The following PRR14L variants were observed in gnomAD, a reference collection of about 807,000 sequenced individuals.
The protein encoded by PRR14L is proline rich 14 like.
Under a neutral mutation model 155.0 loss-of-function variants are expected in PRR14L, and 80 were observed. That is an observed-to-expected ratio of 0.52 (90% CI 0.43 to 0.62). The LOEUF (loss-of-function observed/expected upper bound fraction) is 0.62. PRR14L is among the 20% of genes least tolerant of loss of function. PRR14L has a pLI of 0.00. For synonymous variants in PRR14L, 883 were observed against 916.0 expected (o/e 0.96, Z 0.65); for missense variants, 2,469 against 2,548.0 (o/e 0.97, Z 0.67).
chr22:31,700,290 G>C (rs1385066723), intron 7 of PRR14L, among the ~76,000 whole-genome samples: 1 of 152,180 alleles, frequency 6.6e-6, no homozygotes. Context: ...AAATGCAAGA[G>C]AGAATAGAAC....
intron 3 of PRR14L, among the ~76,000 whole-genome samples, chr22:31,719,739 CT>C (rs131229): frequency 0.11 from 15,426 of 143,236 alleles, 945 homozygotes; most frequent in African/African-American, 0.18. Context: ...CTCTGTGACA[CT>C]TTTTTTTTTT....
chr22:31,732,921 T>G (rs2074757847), intron 2 of PRR14L, among the ~76,000 whole-genome samples: 1 of 152,160 alleles, frequency 6.6e-6, no homozygotes, highest in African/African-American at 2.4e-5. Flanking sequence ...TCCAATATTT[T>G]GCAATTAAAA....
At chr22:31,709,982 C>T (rs1375699172) in intron 4 of PRR14L, among the ~76,000 whole-genome samples, 5 of 151,722 alleles carry the variant, frequency 3.3e-5, no homozygotes, top group African/African-American at 1.2e-4. Context: ...GCTCTGTTGC[C>T]TAGGCTAGAG....
At chr22:31,718,525 A>G (rs1194024822) in intron 3 of PRR14L, among the ~76,000 whole-genome samples, 2 of 147,300 alleles carry the variant, frequency 1.4e-5, no homozygotes, top group Admixed American at 6.7e-5. Flanking sequence ...AAGTGCTGGG[A>G]TTACAGGCGT....
Position 31,683,054 on chromosome 22 carries a change from G to C in PRR14L, c.*2473C>G, listed in dbSNP as rs1324655924. 6.6e-6 allele frequency: 1 copy of C among 152,308 alleles called. No individual in the cohort carries two copies. Among genetic ancestry groups the C allele is most frequent in the Non-Finnish European group, 1.5e-5 (1 of 68,120 alleles). The allele number at this position is 152,308 out of a possible 1,614,324, so 9.4% of individuals were successfully genotyped here. ...TGGAGCAGGGGAAGGGACCTAGCTA[G>C]AGGGTAGGTCCAGAATTTCAACGAC... is the stretch of plus-strand genomic sequence containing the variant. On this transcript the variant is annotated 3_prime_UTR_variant, in exon 9 of 9. Coordinates refer to ENST00000327423, the MANE Select transcript of PRR14L (RefSeq NM_173566.3).
Position 31,713,809 on chromosome 22 carries a change from C to T in PRR14L, c.4030G>A (p.Gly1344Arg), listed in dbSNP as rs1273245292. ...CCAACAGTTAAGTAACCCAGTCGTC[C>T]CCTCTGATGCTCTTCGGTTTCTTCT... The part of the protein sequence containing the change: ...KGEETEEHQR[G>R]RLGYLTVGEQ... The change falls in exon 4 of 9, where the codon GGA becomes AGA. Residue 1344 changes from glycine to arginine, a missense_variant. Around this residue, in one of 2 missense-constraint regions of PRR14L, gnomAD observed 2,363 missense variants for 2,371.6 expected, o/e 1.00. Coordinates refer to ENST00000327423, the MANE Select transcript of PRR14L (RefSeq NM_173566.3). The T allele has an allele frequency of 1.3e-6, 2 of 1,552,260 alleles. No individual in the cohort carries two copies. The highest frequency in any genetic ancestry group is 2.4e-5 in the East Asian group (1 of 40,922).
chr22:31,693,013 A>C (rs142321094), intron 7 of PRR14L, among the ~76,000 whole-genome samples: 1 of 152,134 alleles, frequency 6.6e-6, no homozygotes, highest in East Asian at 1.9e-4. Flanking sequence ...GAAAGTAGAG[A>C]GTTCCCATAT....
Position 31,715,545 on chromosome 22 carries a change from G to A in PRR14L, c.2294C>T (p.Ala765Val), listed in dbSNP as rs1299547031. Residue 765 changes from alanine (A) to valine (V), a missense_variant, in exon 4 of 9, where the codon GCA (alanine) becomes GTA (valine). Around this residue, in one of 2 missense-constraint regions of PRR14L, gnomAD observed 2,363 missense variants for 2,371.6 expected, o/e 1.00. Coordinates refer to ENST00000327423, the MANE Select transcript of PRR14L (RefSeq NM_173566.3). ...HSRLRSNKRE[A>V]AGFPQVVSVI... is the part of the protein sequence containing the mutation. ...AGAGACCACTTGAGGAAAGCCAGCT[G>A]CTTCTCTCTTATTTGAGCGCAGCCT... 1.9e-5 allele frequency: 29 copies of A among 1,551,980 alleles called. No homozygotes were observed. The East Asian group carries it at 7.1e-4, about 38-fold the overall frequency.
chr22:31,717,060 G>C lies in PRR14L; in HGVS notation c.779C>G (p.Pro260Arg), dbSNP rs999034947. ...TTTAGGAGTTGCTTCTGTTAATACA[G>C]GGTCCACAAAGGTTAAAGGTTCTGG... is the stretch of plus-strand genomic sequence containing the variant. ...VTPEPLTFVD[P>R]VLTEATPKEK... The change falls in exon 4 of 9, where the codon CCT becomes CGT. Residue 260 changes from proline (P) to arginine (R), a missense_variant. Coordinates refer to ENST00000327423, the MANE Select transcript of PRR14L (RefSeq NM_173566.3). The C allele has an allele frequency of 6.4e-7, 1 of 1,551,718 alleles. No individual in the cohort carries two copies. Among genetic ancestry groups the C allele is most frequent in the Non-Finnish European group, 8.7e-7 (1 of 1,147,002 alleles).
At chr22:31,688,341 C>A (rs1449581472) in intron 7 of PRR14L, 114 bp from the exon 8 acceptor site, 1 of 1,287,726 alleles carries the variant, frequency 7.8e-7, no homozygotes, top group Non-Finnish European at 1.0e-6. Context: ...TAGCTCACTG[C>A]AGCCTTAAAC....
chr22:31,701,884 T>C (rs1289435704), intron 6 of PRR14L, 122 bp from the exon 7 acceptor site: 1 of 677,934 alleles, frequency 1.5e-6, no homozygotes, highest in Non-Finnish European at 2.4e-6. Context: ...CATAGCTCAC[T>C]GCAGCCTTGA....
intron 7 of PRR14L, among the ~76,000 whole-genome samples, chr22:31,695,602 C>T (rs976293288): frequency 1.3e-5 from 2 of 152,272 alleles, no homozygotes; most frequent in East Asian, 3.9e-4. Context: ...TTTCCTGTCA[C>T]TCTCCTGAAG....
At chr22:31,697,029 C>T (rs972170756) in intron 7 of PRR14L, among the ~76,000 whole-genome samples, 1 of 152,110 alleles carries the variant, frequency 6.6e-6, no homozygotes, top group African/African-American at 2.4e-5. Context: ...GCAGGAGAAT[C>T]GCCTGTACCT....
intron 1 of PRR14L, among the ~76,000 whole-genome samples, chr22:31,739,477 A>G (rs534318683): frequency 6.6e-6 from 1 of 152,244 alleles, no homozygotes; most frequent in Non-Finnish European, 1.5e-5. Context: ...TACCCAGGCT[A>G]GCACAAGACA....
intron 1 of PRR14L, 45 bp downstream of exon 1, chr22:31,749,948 G>A (rs1427773873): frequency 6.5e-6 from 1 of 152,706 alleles, no homozygotes; most frequent in African/African-American, 2.4e-5. Context: ...GGGCGGAGTG[G>A]GGCGGGGCGG....
chr22:31,712,578 T>C lies in PRR14L; in HGVS notation c.5261A>G (p.Gln1754Arg). The change falls in exon 4 of 9, where the codon CAG becomes CGG. Residue 1754 changes from glutamine to arginine, a missense_variant. Gln to Arg is a conservative substitution (Grantham distance 43). Coordinates refer to ENST00000327423, the MANE Select transcript of PRR14L (RefSeq NM_173566.3). ...CCACTTGGGAGGTTGAGACGGGCACTGGAGGGCCTCTCCTAAGGCAAGCCT... is the reference window on the plus strand; with the variant it reads ...CCACTTGGGAGGTTGAGACGGGCACCGGAGGGCCTCTCCTAAGGCAAGCCT... ...PARLALGEAL[Q>R]CPSQPPKWTF... The C allele has an allele frequency of 1.3e-6, 2 of 1,551,736 alleles. No individual in the cohort carries two copies.
chr22:31,738,127 C>T (rs1569500823), intron 2 of PRR14L, among the ~76,000 whole-genome samples: 1 of 152,078 alleles, frequency 6.6e-6, no homozygotes, highest in Admixed American at 6.6e-5. Context: ...GCTGAAATAC[C>T]ATGATTTTCA....
In PRR14L at chr22:31,715,303, T is replaced by C. The variant is rs2074650474; in HGVS notation, c.2536A>G (p.Ser846Gly). 1 of 1,552,072 alleles carries C rather than the reference T, an allele frequency of 6.4e-7. No homozygotes were observed. Among genetic ancestry groups the C allele is most frequent in the South Asian group, 1.2e-5 (1 of 84,070 alleles). Residue 846 changes from serine to glycine, a missense_variant, in exon 4 of 9, where the codon AGC becomes GGC. By Grantham distance (56) the Ser-to-Gly change is moderately conservative (BLOSUM62 0). This residue lies in a region of PRR14L where 2,363 missense variants were observed against 2,371.6 expected (regional missense o/e 1.00). Transcript: ENST00000327423. ...QGTGHSVEKS[S>G]CKVSYTSQER... ...TGTGATGTGTAACTCACTTTACAGC[T>C]GCTTTTTTCCACAGAGTGTCCTGTT...
intron 7 of PRR14L, among the ~76,000 whole-genome samples, chr22:31,690,211 C>T (rs961059159): frequency 6.6e-6 from 1 of 152,004 alleles, no homozygotes; most frequent in African/African-American, 2.4e-5. Flanking sequence ...GCCACCATGC[C>T]CAGCTGTAAC....
Sources: allele counts gnomAD v4.1 joint callset (sites outside exome capture counted in the v4.1 genomes callset), GRCh38; gene constraint gnomAD v4.1.1; regional missense constraint gnomAD v4.1.1; transcripts MANE v1.5; gene names NCBI Gene and HGNC (gene_info 2026-07-23, HGNC 2026-07-21).